The following MAPKAP1 variants were observed in gnomAD, a reference collection of about 807,000 sequenced individuals.
The protein encoded by MAPKAP1 is MAPK associated protein 1.
Under a neutral mutation model 65.7 loss-of-function variants are expected in MAPKAP1, and 20 were observed. That is an observed-to-expected ratio of 0.30 (90% CI 0.21 to 0.44). MAPKAP1 has a LOEUF of 0.44. Among genes scored for constraint, MAPKAP1 ranks in the 20% least tolerant of loss-of-function variants. The pLI, the probability that MAPKAP1 is intolerant of heterozygous loss-of-function variation, is 1.00. For missense variants in MAPKAP1, 423 were observed against 648.0 expected (o/e 0.65, Z 3.77); for synonymous variants, 222 against 244.3 (o/e 0.91, Z 0.85).
At chr9:125,591,873 G>A (rs1831976638) in intron 4 of MAPKAP1, among the ~76,000 whole-genome samples, 1 of 152,188 alleles carries the variant, frequency 6.6e-6, no homozygotes, top group Non-Finnish European at 1.5e-5. Context: ...TTCCATAGAT[G>A]TCTAAATATG....
intron 4 of MAPKAP1, among the ~76,000 whole-genome samples, chr9:125,610,594 C>A (rs1341789765): frequency 6.6e-6 from 1 of 152,164 alleles, no homozygotes; most frequent in Non-Finnish European, 1.5e-5. Flanking sequence ...CACCAAAGAC[C>A]TACATGTGAG....
chr9:125,516,608 G>A (rs1363275178), intron 7 of MAPKAP1, among the ~76,000 whole-genome samples: 1 of 152,214 alleles, frequency 6.6e-6, no homozygotes, highest in African/African-American at 2.4e-5. Flanking sequence ...GTGTGAGACA[G>A]AACTACCCAA....
At chr9:125,444,692 G>C in intron 10 of MAPKAP1, 94 bp from the exon 11 acceptor site, 1 of 814,170 alleles carries the variant, frequency 1.2e-6, no homozygotes, top group Non-Finnish European at 2.0e-6. Flanking sequence ...ATTCGAGCGA[G>C]AGCAAGTGGA....
At chr9:125,612,828 G>T (rs1465645428) in intron 4 of MAPKAP1, among the ~76,000 whole-genome samples, 1 of 152,188 alleles carries the variant, frequency 6.6e-6, no homozygotes, top group Non-Finnish European at 1.5e-5. Flanking sequence ...AGGAGTGACT[G>T]ACACTCATCA....
chr9:125,649,755 G>T (rs1209143941), intron 4 of MAPKAP1, among the ~76,000 whole-genome samples: 1 of 144,678 alleles, frequency 6.9e-6, no homozygotes, highest in African/African-American at 2.6e-5. Context: ...TCTGTAGTCA[G>T]CAGGTCCAAA....
chr9:125,569,161 C>T (rs1352497526), intron 5 of MAPKAP1, among the ~76,000 whole-genome samples: 1 of 152,176 alleles, frequency 6.6e-6, no homozygotes, highest in African/African-American at 2.4e-5. Context: ...GATGTCTCCA[C>T]CTTGTTTTAT....
chr9:125,691,116 C>A (rs1376773610), intron 1 of MAPKAP1, among the ~76,000 whole-genome samples: 1 of 152,090 alleles, frequency 6.6e-6, no homozygotes, highest in Non-Finnish European at 1.5e-5. Flanking sequence ...AAAAAATTAG[C>A]CGGGCGTGGT....
At chr9:125,625,202 TC>T (rs1225451990) in intron 4 of MAPKAP1, among the ~76,000 whole-genome samples, 2 of 75,654 alleles carry the variant, frequency 2.6e-5, no homozygotes, top group Non-Finnish European at 4.7e-5. Flanking sequence ...CCCTGCCAAA[TC>T]CCCCTCTGTG....
chr9:125,544,322 A>T (rs1047571505), intron 6 of MAPKAP1, among the ~76,000 whole-genome samples: 9 of 151,544 alleles, frequency 5.9e-5, no homozygotes, highest in Admixed American at 1.3e-4. Context: ...TTTTTTTTTT[A>T]AATACAGTCT....
intron 1 of MAPKAP1, among the ~76,000 whole-genome samples, chr9:125,703,787 C>G (rs5019002): frequency 1.1e-4 from 9 of 82,510 alleles, no homozygotes; most frequent in Non-Finnish European, 3.3e-4. Context: ...AAAAAAAAAA[C>G]AAGTAACGTG....
chr9:125,489,390 C>T (rs541545989), intron 8 of MAPKAP1, among the ~76,000 whole-genome samples: 1 of 152,158 alleles, frequency 6.6e-6, no homozygotes, highest in East Asian at 1.9e-4. Context: ...TTGTCAAAGT[C>T]GGGAGGGTTA....
intron 10 of MAPKAP1, among the ~76,000 whole-genome samples, chr9:125,464,404 A>C (rs1037773383): frequency 1.3e-5 from 2 of 152,166 alleles, no homozygotes; most frequent in Admixed American, 6.6e-5. Flanking sequence ...CGTCTTTCAA[A>C]ATAGCAAAAT....
chr9:125,535,069 A>AT (rs1384041905), intron 7 of MAPKAP1, among the ~76,000 whole-genome samples: 1 of 152,160 alleles, frequency 6.6e-6, no homozygotes, highest in Admixed American at 6.5e-5. Context: ...ATGCACTTCT[A>AT]TTTTTAAGCT....
chr9:125,621,640 A>C, intron 4 of MAPKAP1, among the ~76,000 whole-genome samples: 1 of 152,344 alleles, frequency 6.6e-6, no homozygotes, highest in Middle Eastern at 3.4e-3. Context: ...GTTAACAAAG[A>C]TGCTTTAATT....
At chr9:125,527,954 A>C (rs919033661) in intron 7 of MAPKAP1, among the ~76,000 whole-genome samples, 1 of 152,218 alleles carries the variant, frequency 6.6e-6, no homozygotes, top group Non-Finnish European at 1.5e-5. Context: ...TCCTAAACAC[A>C]AAGTGGTGGC....
chr9:125,691,450 G>A (rs549448066), intron 1 of MAPKAP1, among the ~76,000 whole-genome samples: 1 of 152,228 alleles, frequency 6.6e-6, no homozygotes, highest in South Asian at 2.1e-4. Context: ...CAATGAGCGG[G>A]CTTCAGATGT....
intron 4 of MAPKAP1, among the ~76,000 whole-genome samples, chr9:125,598,773 C>T (rs1170146990): frequency 6.6e-6 from 1 of 152,156 alleles, no homozygotes; most frequent in Non-Finnish European, 1.5e-5. Context: ...GGCGCAGTAG[C>T]TCACACCTGT....
At chr9:125,517,112 C>A (rs1564538883) in intron 7 of MAPKAP1, among the ~76,000 whole-genome samples, 1 of 152,168 alleles carries the variant, frequency 6.6e-6, no homozygotes, top group Non-Finnish European at 1.5e-5. Flanking sequence ...GACGAGAATG[C>A]AAGTTTTTCC....
intron 4 of MAPKAP1, among the ~76,000 whole-genome samples, chr9:125,640,355 G>A (rs897968621): frequency 7.9e-5 from 12 of 151,232 alleles, no homozygotes; most frequent in African/African-American, 1.9e-4. Context: ...CGCCCGCCTC[G>A]GCCTCCCAAA....
Sources: gnomAD v4.1 joint callset for allele counts (sites outside exome capture counted in the v4.1 genomes callset) on GRCh38, gnomAD v4.1.1 for gene constraint, MANE v1.5 for transcripts, NCBI Gene and HGNC (gene_info 2026-07-23, HGNC 2026-07-21) for gene names.